The following C8orf34 variants were observed in gnomAD, a reference collection of about 807,000 sequenced individuals.
C8orf34 encodes the protein chromosome 8 open reading frame 34, also known as uncharacterized protein C8orf34.
In C8orf34, 65 loss-of-function variants were observed where a neutral mutation model predicts 68.3. That is an observed-to-expected ratio of 0.95 (90% CI 0.78 to 1.17). The LOEUF (loss-of-function observed/expected upper bound fraction) is 1.17. Among genes scored for constraint, C8orf34 ranks in the 50% most tolerant of loss-of-function variants. C8orf34 has a pLI of 0.00. For missense variants in C8orf34, 664 were observed against 655.4 expected, an observed-to-expected ratio of 1.01 and a Z score of -0.14; for synonymous variants, 244 against 241.2, an observed-to-expected ratio of 1.01 and a Z score of -0.11.
intron 2 of C8orf34, among the ~76,000 whole-genome samples, chr8:68,444,912 T>TA (rs1811058003): frequency 6.6e-6 from 1 of 152,198 alleles, no homozygotes; most frequent in Non-Finnish European, 1.5e-5. Flanking sequence ...TATGTTGCAT[T>TA]AGAAGAATTT....
chr8:68,522,118 A>G, intron 6 of C8orf34, 147 bp downstream of exon 6: 1 of 599,532 alleles, frequency 1.7e-6, no homozygotes, highest in South Asian at 3.6e-5. Flanking sequence ...TAAAAACATC[A>G]ATTGCTGTCT....
chr8:68,475,871 T>G (rs1402110438), intron 4 of C8orf34, among the ~76,000 whole-genome samples: 1 of 152,122 alleles, frequency 6.6e-6, no homozygotes, highest in Non-Finnish European at 1.5e-5. Context: ...ATCCAGACAT[T>G]GGTCCATGGA....
rs375346321 is a variant in C8orf34 at position 68,402,158 on chromosome 8, A to C, written c.328-37341A>C. ...CTGGGATGTACGTTTCCAGGAATTT[A>C]TTTCTTTCCTGTGGGTTCTCTAATT... On this transcript the variant is annotated intron_variant, in intron 1 of 13. Coordinates refer to ENST00000518698, the MANE Select transcript of C8orf34 (RefSeq NM_052958.4). 1.5e-3 allele frequency among the ~76,000 whole-genome samples: 230 copies of C among 152,074 alleles called. 1 individual carries two copies. Among genetic ancestry groups the C allele is most frequent in the African/African-American group, 4.9e-3 (203 of 41,492 alleles).
intron 7 of C8orf34, among the ~76,000 whole-genome samples, chr8:68,549,956 C>G (rs1816009634): frequency 6.6e-6 from 1 of 151,726 alleles, no homozygotes. Context: ...ATATCTTTCT[C>G]TATCCATTTA....
intron 1 of C8orf34, among the ~76,000 whole-genome samples, chr8:68,415,826 T>C (rs1809641587): frequency 6.6e-6 from 1 of 152,212 alleles, no homozygotes; most frequent in Admixed American, 6.5e-5. Context: ...CTGCCCCAAA[T>C]GGCTTCTCTA....
At chr8:68,349,748 C>T (rs1021746360) in intron 1 of C8orf34, among the ~76,000 whole-genome samples, 3 of 151,328 alleles carry the variant, frequency 2.0e-5, no homozygotes, top group African/African-American at 4.8e-5. Context: ...TTTAGGTTTT[C>T]GAGTTTGTGT....
intron 1 of C8orf34, among the ~76,000 whole-genome samples, chr8:68,370,780 C>T (rs1238265923): frequency 1.3e-5 from 2 of 152,154 alleles, no homozygotes. Flanking sequence ...CTAACTTCTC[C>T]CATATTAATA....
intron 6 of C8orf34, chr8:68,525,826 G>C: frequency 2.1e-6 from 1 of 467,016 alleles, no homozygotes; most frequent in Non-Finnish European, 4.1e-6. Context: ...AGCATGGCTT[G>C]ATAAGAACCT....
intron 7 of C8orf34, among the ~76,000 whole-genome samples, chr8:68,612,636 A>G (rs1257865714): frequency 1.3e-5 from 2 of 152,184 alleles, no homozygotes; most frequent in African/African-American, 4.8e-5. Context: ...TTAAACATCT[A>G]TCATATGCCA....
At chr8:68,378,114 T>G (rs775622051) in intron 1 of C8orf34, among the ~76,000 whole-genome samples, 4 of 152,136 alleles carry the variant, frequency 2.6e-5, no homozygotes, top group Non-Finnish European at 5.9e-5. Flanking sequence ...CCAAACCGTA[T>G]CAGGCAGAGA....
At chr8:68,608,571 A>G (rs750013296) in intron 7 of C8orf34, among the ~76,000 whole-genome samples, 1 of 151,436 alleles carries the variant, frequency 6.6e-6, no homozygotes, top group Non-Finnish European at 1.5e-5. Context: ...ATGATACTAG[A>G]TCATAGGCCG....
chr8:68,745,216 C>G (rs542443571), intron 10 of C8orf34, among the ~76,000 whole-genome samples: 19 of 152,092 alleles, frequency 1.2e-4, no homozygotes, highest in Admixed American at 1.2e-3. Flanking sequence ...GCCTGCCCTA[C>G]AAGAGCTCCT....
At chr8:68,444,650 AT>A (rs965997804) in intron 2 of C8orf34, among the ~76,000 whole-genome samples, 1 of 152,126 alleles carries the variant, frequency 6.6e-6, no homozygotes. Context: ...TACTATTAAA[AT>A]TTTCAATATT....
At chr8:68,416,719 T>C (rs900368205) in intron 1 of C8orf34, among the ~76,000 whole-genome samples, 58 of 151,824 alleles carry the variant, frequency 3.8e-4, no homozygotes, top group African/African-American at 1.3e-3. Context: ...TCAGTAGAGG[T>C]GGGGTTTCAC....
intron 3 of C8orf34, among the ~76,000 whole-genome samples, chr8:68,460,461 G>C (rs1451691254): frequency 6.6e-6 from 1 of 152,194 alleles, no homozygotes; most frequent in East Asian, 1.9e-4. Context: ...CACGCAGCTG[G>C]AGATCAGAGA....
intron 1 of C8orf34, among the ~76,000 whole-genome samples, chr8:68,355,743 T>C (rs1339666567): frequency 6.6e-6 from 1 of 152,138 alleles, no homozygotes; most frequent in African/African-American, 2.4e-5. Flanking sequence ...TGTTCGTCAG[T>C]GGGAGCAGAG....
chr8:68,773,235 A>G (rs1823404855), intron 10 of C8orf34, among the ~76,000 whole-genome samples: 1 of 152,074 alleles, frequency 6.6e-6, no homozygotes. Flanking sequence ...AGATAGATGT[A>G]TTGGATCAAG....
intron 12 of C8orf34, among the ~76,000 whole-genome samples, chr8:68,799,241 T>G (rs1034817400): frequency 1.3e-5 from 2 of 152,220 alleles, no homozygotes; most frequent in South Asian, 2.1e-4. Context: ...TCTTGGAATA[T>G]TCTTATATTT....
intron 8 of C8orf34, among the ~76,000 whole-genome samples, chr8:68,649,737 T>A (rs1343517744): frequency 2.0e-5 from 3 of 152,192 alleles, no homozygotes; most frequent in Non-Finnish European, 4.4e-5. Context: ...GTGTGCACAC[T>A]CACACACACC....
Sources: gnomAD v4.1 joint callset for allele counts (sites outside exome capture counted in the v4.1 genomes callset) on GRCh38, gnomAD v4.1.1 for gene constraint, MANE v1.5 for transcripts, NCBI Gene and HGNC (gene_info 2026-07-23, HGNC 2026-07-21) for gene names.